The following HDAC9 variants were observed in gnomAD, a reference collection of about 807,000 sequenced individuals.
HDAC9 encodes the protein MEF-2 interacting transcription repressor (MITR) protein.
A neutral mutation model predicts 139.4 loss-of-function variants in HDAC9; 41 were observed. The observed-to-expected ratio is 0.29, with a 90% CI of 0.23 to 0.38. The LOEUF (loss-of-function observed/expected upper bound fraction) is 0.38, where lower values mean the gene tolerates loss of function less well. Ranked by LOEUF, HDAC9 falls within the 10% of genes least tolerant of loss-of-function variation. The pLI is 1.00. For missense variants in HDAC9, 1,147 were observed against 1,297.0 expected (o/e 0.88, Z 1.78); for synonymous variants, 517 against 476.2 (o/e 1.09, Z -1.12).
chr7:18,955,409 A>C (rs1783081825), intron 24 of HDAC9, among the ~76,000 whole-genome samples: 1 of 152,134 alleles, frequency 6.6e-6, no homozygotes, highest in Non-Finnish European at 1.5e-5. Context: ...ATCCACATGC[A>C]ATCCAATGTA....
intron 21 of HDAC9, among the ~76,000 whole-genome samples, chr7:18,847,482 TAAG>T (rs1259548670): frequency 2.0e-5 from 3 of 152,168 alleles, no homozygotes; most frequent in Non-Finnish European, 4.4e-5. Flanking sequence ...GATTCTGTAA[TAAG>T]GAGGATTATT....
intron 1 of HDAC9, among the ~76,000 whole-genome samples, chr7:18,125,432 C>CAT (rs1784600852): frequency 1.4e-5 from 2 of 142,554 alleles, no homozygotes; most frequent in Admixed American, 6.8e-5. Flanking sequence ...TATATATATG[C>CAT]GTGTGTGTGT....
At chr7:18,912,267 T>C (rs184970416) in intron 22 of HDAC9, among the ~76,000 whole-genome samples, 118 of 152,186 alleles carry the variant, frequency 7.8e-4, no homozygotes, top group African/African-American at 2.6e-3. Flanking sequence ...TAGGGAGTTA[T>C]TTCCTCTCTT....
intron 14 of HDAC9, among the ~76,000 whole-genome samples, chr7:18,758,618 G>A (rs1443595893): frequency 6.6e-6 from 1 of 152,146 alleles, no homozygotes; most frequent in Non-Finnish European, 1.5e-5. Flanking sequence ...ATTTATACAA[G>A]TGAGGCAAAA....
intron 2 of HDAC9, among the ~76,000 whole-genome samples, chr7:18,270,193 C>T (rs1402116271): frequency 6.6e-6 from 1 of 151,886 alleles, no homozygotes; most frequent in African/African-American, 2.4e-5. Context: ...ACAGTGAACT[C>T]CTAGCAAGTG....
intron 22 of HDAC9, among the ~76,000 whole-genome samples, chr7:18,899,125 G>A (rs1157760478): frequency 6.6e-6 from 1 of 151,942 alleles, no homozygotes; most frequent in African/African-American, 2.4e-5. Context: ...TTAATGTTAG[G>A]ATATATTTGC....
At chr7:18,876,589 T>C (rs1055478967) in intron 22 of HDAC9, among the ~76,000 whole-genome samples, 8 of 152,310 alleles carry the variant, frequency 5.3e-5, no homozygotes, top group Admixed American at 3.9e-4. Context: ...CTGAAATAAC[T>C]GGGGTTAAAA....
intron 2 of HDAC9, among the ~76,000 whole-genome samples, chr7:18,185,282 G>C (rs73317847): frequency 0.027 from 4,169 of 152,236 alleles, 202 homozygotes; most frequent in African/African-American, 0.094. Context: ...CCAAAAGTCT[G>C]AACCAGGACC....
rs1368042866 is a variant in HDAC9, at chr7:18,454,209, A to AT, written c.-41-42046dup. On this transcript the variant is annotated intron_variant, in intron 1 of 3. Transcript: ENST00000413509. ...ATACTGGAGATTTACAAAATCAGAG[A>AT]TTTTTTTACTTTTGGGCTCAAAAAA... 2.6e-5 allele frequency among the ~76,000 whole-genome samples: 4 copies of AT among 152,064 alleles called. No homozygotes were observed. The East Asian group carries it at 5.8e-4, about 22-fold the overall frequency.
intron 12 of HDAC9, among the ~76,000 whole-genome samples, chr7:18,710,939 T>G (rs1784300681): frequency 6.6e-6 from 1 of 152,204 alleles, no homozygotes; most frequent in Admixed American, 6.5e-5. Context: ...ACAAAGGATA[T>G]CATACATTTC....
chr7:18,641,074 T>C (rs866781629), intron 8 of HDAC9, among the ~76,000 whole-genome samples: 3 of 152,122 alleles, frequency 2.0e-5, no homozygotes, highest in Non-Finnish European at 4.4e-5. Flanking sequence ...CATTGTCCAT[T>C]TTTCTAATTA....
At chr7:18,876,282 C>A (rs936743021) in intron 22 of HDAC9, among the ~76,000 whole-genome samples, 1 of 152,052 alleles carries the variant, frequency 6.6e-6, no homozygotes, top group African/African-American at 2.4e-5. Context: ...TCATTGTGTT[C>A]CATCTCAGAA....
chr7:18,165,088 T>C (rs1360130598), intron 2 of HDAC9, among the ~76,000 whole-genome samples: 1 of 152,214 alleles, frequency 6.6e-6, no homozygotes, highest in Non-Finnish European at 1.5e-5. Context: ...GAAATTTATT[T>C]CCTCTGTACA....
chr7:18,563,673 A>T (rs1235507100), intron 2 of HDAC9, among the ~76,000 whole-genome samples: 1 of 151,656 alleles, frequency 6.6e-6, no homozygotes, highest in African/African-American at 2.4e-5. Flanking sequence ...CCCATATCAT[A>T]CTCTATATCT....
chr7:18,208,902 C>A (rs186290266), intron 2 of HDAC9, among the ~76,000 whole-genome samples: 102 of 152,292 alleles, frequency 6.7e-4, no homozygotes, highest in African/African-American at 2.4e-3. Context: ...GAAAAGACTT[C>A]TGCCTTACTC....
intron 1 of HDAC9, among the ~76,000 whole-genome samples, chr7:18,314,339 A>G (rs1441952538): frequency 1.4e-4 from 22 of 152,204 alleles, no homozygotes; most frequent in Non-Finnish European, 2.1e-4. Context: ...ATAAAACAGG[A>G]TGGTGTTTCT....
At chr7:18,472,908 T>A (rs1794831479) in intron 1 of HDAC9, among the ~76,000 whole-genome samples, 1 of 152,228 alleles carries the variant, frequency 6.6e-6, no homozygotes, top group East Asian at 1.9e-4. Flanking sequence ...GCACCTGATG[T>A]ACTGGGTGTT....
intron 1 of HDAC9, among the ~76,000 whole-genome samples, chr7:18,484,504 C>G (rs1294483145): frequency 6.6e-6 from 1 of 152,002 alleles, no homozygotes; most frequent in African/African-American, 2.4e-5. Context: ...TAAATGAAAT[C>G]AAATGCCTGA....
chr7:18,719,364 G>C (rs1300995218), intron 12 of HDAC9, among the ~76,000 whole-genome samples: 7 of 56,864 alleles, frequency 1.2e-4, no homozygotes, highest in African/African-American at 4.3e-4. Flanking sequence ...TTTTGAGATG[G>C]AGTTTTGTCT....
Sources: gnomAD v4.1 joint callset for allele counts (sites outside exome capture counted in the v4.1 genomes callset) on GRCh38, gnomAD v4.1.1 for gene constraint, MANE v1.5 for transcripts, NCBI Gene and HGNC (gene_info 2026-07-23, HGNC 2026-07-21) for gene names.